ARID1A: variants seen among roughly 807,000 people sequenced by gnomAD.
ARID1A encodes the protein AT-rich interaction domain 1A.
ARID1A carries 20 observed loss-of-function variants against 212.6 expected under a neutral mutation model. The ratio of observed to expected loss-of-function variants is 0.09; its 90% CI spans 0.07 to 0.14. The LOEUF is 0.14. Ranked by LOEUF, ARID1A falls within the 10% of genes least tolerant of loss-of-function variation. ARID1A has a pLI of 1.00. For synonymous variants in ARID1A, 1,376 were observed against 1,222.1 expected, an observed-to-expected ratio of 1.13 and a Z score of -2.63; for missense variants, 2,587 against 3,059.0, an observed-to-expected ratio of 0.85 and a Z score of 3.64.
chr1:26,716,268 A>AGGTTTTTTTCTTTTTCTTTTTTTTTTTTT (rs2080502310), intron 1 of ARID1A, among the ~76,000 whole-genome samples: 1 of 152,088 alleles, frequency 6.6e-6, no homozygotes, highest in African/African-American at 2.4e-5. Context: ...AGTTGCTTAC[A>AGGTTTTTTTCTTTTTCTTTTTTTTTTTTT]TTAATGCAAA....
rs747585997 is a variant in ARID1A, at chr1:26,774,911, C to T, written c.4684C>T (p.Pro1562Ser). The change falls in exon 18 of 20, where the codon CCC (proline) becomes TCC (serine). Residue 1562 changes from proline (P) to serine (S), a missense_variant. Pro to Ser is a moderately conservative substitution (Grantham distance 74). Coordinates refer to ENST00000324856, the MANE Select transcript of ARID1A (RefSeq NM_006015.6). This position sits in a 1 kb window ranked among gnomAD's most constrained non-coding sequence, Gnocchi z 5.6. ...CCCATATGGTCCCTCTGCCCCTGTG[C>T]CCCCCATGACAAGGCCCCCTCCATC... ...QPPYGPSAPVPPMTRPPPSNY... is the reference protein window; with the variant it reads ...QPPYGPSAPVSPMTRPPPSNY... The T allele has an allele frequency of 4.4e-5, 26 of 592,496 alleles. No individual in the cohort carries two copies. The highest frequency in any genetic ancestry group is 7.4e-5 in the Non-Finnish European group (26 of 351,794). The allele number at this position is 592,496 out of a possible 1,614,324, so 36.7% of individuals were successfully genotyped here. A position where few individuals can be genotyped will look rare whatever the true frequency, so the allele number is the denominator to read the frequency against.
chr1:26,758,487 T>C (rs1182795717), intron 4 of ARID1A, among the ~76,000 whole-genome samples: 2 of 152,036 alleles, frequency 1.3e-5, no homozygotes, highest in African/African-American at 4.8e-5. Flanking sequence ...GATGTGGTGG[T>C]GCGTGCCTGT....
At chr1:26,755,267 T>C (rs2080918866) in intron 4 of ARID1A, among the ~76,000 whole-genome samples, 2 of 152,254 alleles carry the variant, frequency 1.3e-5, no homozygotes, top group South Asian at 2.1e-4. Context: ...TGCTAACATT[T>C]TGGCTCTTAA....
Position 26,771,396 on chromosome 1 carries a change from G to A in ARID1A, c.3406+70G>A, listed in dbSNP as rs2081081668. ...TGCCCTGGCCTCTTATTCAGGATATGAATAAGAGGCTTATCCAACAGGATA... is the reference window on the plus strand; with the variant it reads ...TGCCCTGGCCTCTTATTCAGGATATAAATAAGAGGCTTATCCAACAGGATA... On this transcript the variant is annotated intron_variant, in intron 12 of 19. Coordinates refer to ENST00000324856, the MANE Select transcript of ARID1A (RefSeq NM_006015.6). This position sits in a 1 kb window ranked among gnomAD's most constrained non-coding sequence, Gnocchi z 5.4. 1 of 1,480,716 alleles carries A rather than the reference G, an allele frequency of 6.8e-7. No individual in the cohort carries two copies. Among genetic ancestry groups the A allele is most frequent in the Non-Finnish European group, 9.3e-7 (1 of 1,070,256 alleles). The allele number at this position is 1,480,716 out of a possible 1,614,324, so 91.7% of individuals were successfully genotyped here.
rs1409616060 is a variant in ARID1A at position 26,696,254 on chromosome 1, G to A, written c.-150G>A. On this transcript the variant is annotated 5_prime_UTR_variant, in exon 1 of 20. Coordinates refer to ENST00000324856, the MANE Select transcript of ARID1A (RefSeq NM_006015.6). The stretch of plus-strand genomic sequence containing the variant: ...TGAGCCGGCGGGGCGGGGGGGAGAG[G>A]AGCGAGCGCAGCGCAGCAGCGGAGC... The A allele has an allele frequency of 5.0e-6, 5 of 1,008,594 alleles. No homozygotes were observed. The highest frequency in any genetic ancestry group is 3.5e-5 in the African/African-American group (2 of 57,632). 62.5% of individuals were successfully genotyped at this position (1,008,594 alleles called of 1,614,324 possible).
rs397860721 is a variant in ARID1A at position 26,708,266 on chromosome 1, C to CTTTTTTTTTTTTTTTTTTTTT, written c.1137+10742_1137+10762dup. Among the ~76,000 whole-genome samples the CTTTTTTTTTTTTTTTTTTTTT allele has an allele frequency of 1.3e-4, 3 of 23,754 alleles. 1 individual carries two copies. The highest frequency in any genetic ancestry group is 5.0e-4 in the African/African-American group (3 of 6,012). The allele number at this position is 23,754 out of a possible 152,430, so 15.6% of individuals were successfully genotyped here. ...TCAGCCTTTAAGATACAGTCCTTCA[C>CTTTTTTTTTTTTTTTTTTTTT]TTTTTTTTTTTTTTTTTTTTTTTTT... On this transcript the variant is annotated intron_variant, in intron 1 of 19. Transcript: ENST00000324856.
At chr1:26,757,420 C>T (rs1036284032) in intron 4 of ARID1A, among the ~76,000 whole-genome samples, 3 of 142,926 alleles carry the variant, frequency 2.1e-5, no homozygotes, top group Admixed American at 7.2e-5. Flanking sequence ...CAGTGAGCCG[C>T]GATAGCGCCA....
intron 4 of ARID1A, among the ~76,000 whole-genome samples, chr1:26,736,490 G>A (rs1362162657): frequency 3.0e-4 from 46 of 151,920 alleles, no homozygotes; most frequent in African/African-American, 1.1e-3. Context: ...TTAGCTGGGC[G>A]TGGTGGCGGG....
intron 1 of ARID1A, among the ~76,000 whole-genome samples, chr1:26,697,784 C>T (rs2080290888): frequency 6.6e-6 from 1 of 151,112 alleles, no homozygotes. Context: ...TCCCCTGGTC[C>T]CTTCGAACTC....
At chr1:26,740,321 A>G (rs552133701) in intron 4 of ARID1A, among the ~76,000 whole-genome samples, 2 of 152,358 alleles carry the variant, frequency 1.3e-5, no homozygotes, top group South Asian at 4.1e-4. Flanking sequence ...AGTAAAATAG[A>G]CATAAAACAG....
At chr1:26,761,606 T>A in intron 6 of ARID1A, 133 bp downstream of exon 6, 3 of 837,414 alleles carry the variant, frequency 3.6e-6, no homozygotes, top group Non-Finnish European at 5.6e-6. Flanking sequence ...TTATATTCTT[T>A]AAAAGTTGAC....
At chr1:26,735,770 T>A (rs922367973) in intron 4 of ARID1A, among the ~76,000 whole-genome samples, 1 of 152,182 alleles carries the variant, frequency 6.6e-6, no homozygotes, top group African/African-American at 2.4e-5. Context: ...TTTGAGAACC[T>A]CTACTTTATT....
At position 26,720,249 on chromosome 1, in the gene ARID1A, G is replaced by GA. The variant is rs540070510; in HGVS notation, c.1138-9388dup. Among the ~76,000 whole-genome samples, 985 of 120,344 alleles carry GA rather than the reference G, an allele frequency of 8.2e-3. 4 individuals are homozygous for GA. The highest frequency in any genetic ancestry group is 0.02 in the African/African-American group (666 of 32,744). 79.0% of individuals were successfully genotyped at this position (120,344 alleles called of 152,430 possible). On this transcript the variant is annotated intron_variant, in intron 1 of 19. Transcript: ENST00000324856. ...TGGTGACAGAGCGAGGCTCTGTCTC[G>GA]AAAAAAAAAAAAAAGGTACAACCTT...
intron 1 of ARID1A, among the ~76,000 whole-genome samples, chr1:26,709,626 C>CT (rs57532083): frequency 0.36 from 42,940 of 117,926 alleles, 8,866 homozygotes; most frequent in East Asian, 0.85. Flanking sequence ...TACTGTAATG[C>CT]TTTTTTTTTT....
At chr1:26,708,454 T>G (rs1472604543) in intron 1 of ARID1A, among the ~76,000 whole-genome samples, 1 of 149,410 alleles carries the variant, frequency 6.7e-6, no homozygotes, top group African/African-American at 2.5e-5. Context: ...CCAGGTAATT[T>G]TTTGTATTTT....
At position 26,762,981 on chromosome 1, in the gene ARID1A, C is replaced by G. The variant is rs2124067593; in HGVS notation, c.2428C>G (p.Pro810Ala). 6.3e-7 allele frequency: 1 copy of G among 1,584,916 alleles called. No homozygotes were observed. Residue 810 changes from proline (P) to alanine (A), a missense_variant, in exon 8 of 20, where the codon CCC (proline) becomes GCC (alanine). Pro to Ala is a conservative substitution (Grantham distance 27). Transcript: ENST00000324856. ...GGQYGPQGGY[P>A]RQPNYNALPN... ...TCTTCCTCCCCTCCCAGGTGGCTACCCCAGGCAGCCAAACTATAATGCCTT... is the reference window on the plus strand; with the variant it reads ...TCTTCCTCCCCTCCCAGGTGGCTACGCCAGGCAGCCAAACTATAATGCCTT...
In ARID1A at chr1:26,781,395, CAG is replaced by C. The variant is rs1031799251; in HGVS notation, c.*641_*642del. 43 of 232,324 alleles carry C rather than the reference CAG, an allele frequency of 1.9e-4. No homozygotes were observed. Among genetic ancestry groups the C allele is most frequent in the African/African-American group, 5.8e-4 (26 of 45,026 alleles). The allele number at this position is 232,324 out of a possible 1,614,324, so 14.4% of individuals were successfully genotyped here. A position where few individuals can be genotyped will look rare whatever the true frequency, so the allele number is the denominator to read the frequency against. ...GTAATAATAATGTCTCACATGGAAA[CAG>C]AAAACGCTGGGTCAGCAGCAAGCTG... On this transcript the variant is annotated 3_prime_UTR_variant, in exon 20 of 20. Coordinates refer to ENST00000324856, the MANE Select transcript of ARID1A (RefSeq NM_006015.6).
rs2124097721 is a variant in ARID1A, at chr1:26,771,241, T to A, written c.3321T>A (p.Ile1107=). 1 of 1,614,178 alleles carries A rather than the reference T, an allele frequency of 6.2e-7. No homozygotes were observed. The highest frequency in any genetic ancestry group is 8.5e-7 in the Non-Finnish European group (1 of 1,180,028). ...GTCTCTATGCCTTTGAATGCAAGAT[T>A]GAACGGGGAGAAGACCCTCCCCCAG... is the stretch of plus-strand genomic sequence containing the variant. ...IQCLYAFECK[I]ERGEDPPPDI... The change falls in exon 12 of 20, where the codon ATT becomes ATA. Residue 1107 remains isoleucine, a synonymous_variant. Coordinates refer to ENST00000324856, the MANE Select transcript of ARID1A (RefSeq NM_006015.6). This position sits in a 1 kb window ranked among gnomAD's most constrained non-coding sequence, Gnocchi z 5.4.
chr1:26,707,672 A>T (rs926973685), intron 1 of ARID1A, among the ~76,000 whole-genome samples: 34 of 152,130 alleles, frequency 2.2e-4, no homozygotes, highest in Admixed American at 1.9e-3. Flanking sequence ...GATGGCCACC[A>T]TGCATTTGAG....
Sources: allele counts gnomAD v4.1 joint callset (sites outside exome capture counted in the v4.1 genomes callset), GRCh38; gene constraint gnomAD v4.1.1; non-coding constraint Gnocchi (gnomAD v3.1); transcripts MANE v1.5; gene names NCBI Gene and HGNC (gene_info 2026-07-23, HGNC 2026-07-21).